The following FBXO11 variants were observed in gnomAD, a reference collection of about 807,000 sequenced individuals.
FBXO11 encodes F-box only protein 11.
A neutral mutation model predicts 117.0 loss-of-function variants in FBXO11; 13 were observed. The observed-to-expected ratio is 0.11, with a 90% CI of 0.07 to 0.18. FBXO11 has a LOEUF of 0.18. Among genes scored for constraint, FBXO11 ranks in the 10% least tolerant of loss-of-function variants. The probability of loss-of-function intolerance (pLI) is 1.00; values close to 1 mark genes in which losing one functional copy is unlikely to be tolerated. For missense variants in FBXO11, 767 were observed against 1,164.4 expected (o/e 0.66, Z 4.97); for synonymous variants, 490 against 380.5 (o/e 1.29, Z -3.35).
In FBXO11 at chr2:47,906,399, G is replaced by T. The variant is rs1678818331; in HGVS notation, c.-679C>A. On this transcript the variant is annotated 5_prime_UTR_variant, in exon 1 of 23. Transcript: ENST00000403359. ...GCGTCGTCCTTCCTCCTCCTTAAAG[G>T]AACCTTTCCTCCTCCTCCTCGTCAG... Among the ~76,000 whole-genome samples the T allele has an allele frequency of 6.6e-6, 1 of 152,152 alleles. No homozygotes were observed. The highest frequency in any genetic ancestry group is 1.5e-5 in the Non-Finnish European group (1 of 68,008).
chr2:47,879,434 C>T (rs770531754), intron 1 of FBXO11, among the ~76,000 whole-genome samples: 2 of 152,136 alleles, frequency 1.3e-5, no homozygotes, highest in African/African-American at 4.8e-5. Flanking sequence ...AGTATGCTGC[C>T]CAACTTTTGT....
chr2:47,897,692 G>A (rs1677779239), intron 1 of FBXO11, among the ~76,000 whole-genome samples: 1 of 103,852 alleles, frequency 9.6e-6, no homozygotes, highest in African/African-American at 3.7e-5. Context: ...GTGAGACTGT[G>A]TCTTAAACCA....
intron 1 of FBXO11, among the ~76,000 whole-genome samples, chr2:47,846,681 C>T (rs1017157231): frequency 2.3e-4 from 35 of 151,790 alleles, no homozygotes; most frequent in African/African-American, 8.2e-4. Flanking sequence ...TGTAATTTAG[C>T]TGCATTAAAA....
rs376037427 is a variant in FBXO11 at position 47,823,223 on chromosome 2, T to C, written c.1536A>G (p.Arg512=). The part of the protein sequence containing the change: ...TGGIYVHEKG[R]GQFIENKIYA... ...AGATTTTATTCTCTATGAATTGTCCTCTTCCTTTTTCATGGACATATATTC... is the reference window on the plus strand; with the variant it reads ...AGATTTTATTCTCTATGAATTGTCCCCTTCCTTTTTCATGGACATATATTC... The change falls in exon 12 of 23, where the codon AGA becomes AGG. Residue 512 remains arginine, a synonymous_variant. Transcript: ENST00000403359. 6.2e-7 allele frequency: 1 copy of C among 1,614,122 alleles called. No homozygotes were observed. The highest frequency in any genetic ancestry group is 8.5e-7 in the Non-Finnish European group (1 of 1,179,978).
intron 1 of FBXO11, among the ~76,000 whole-genome samples, chr2:47,853,158 G>A (rs138110987): frequency 2.1e-4 from 32 of 150,846 alleles, no homozygotes; most frequent in South Asian, 8.3e-4. Flanking sequence ...TGCAACCTCC[G>A]CCTCCTGAGT....
intron 4 of FBXO11, among the ~76,000 whole-genome samples, 192 bp downstream of exon 4, chr2:47,838,667 G>T (rs1461530514): frequency 6.6e-6 from 1 of 152,120 alleles, no homozygotes; most frequent in Non-Finnish European, 1.5e-5. Flanking sequence ...GCAGATAAAA[G>T]ACTTCATTTA....
chr2:47,846,921 TAC>T (rs1346891610), intron 1 of FBXO11, among the ~76,000 whole-genome samples: 1 of 152,134 alleles, frequency 6.6e-6, no homozygotes, highest in East Asian at 1.9e-4. Context: ...TGCAGACACA[TAC>T]AGTCACTTAT....
chr2:47,829,886 T>C (rs1401053454), intron 11 of FBXO11, among the ~76,000 whole-genome samples: 2 of 152,154 alleles, frequency 1.3e-5, no homozygotes, highest in Non-Finnish European at 1.5e-5. Context: ...AATAGGTACC[T>C]GGAGAGTCAT....
chr2:47,872,115 A>G (rs772501245), intron 1 of FBXO11, among the ~76,000 whole-genome samples: 4 of 152,092 alleles, frequency 2.6e-5, no homozygotes, highest in South Asian at 2.1e-4. Flanking sequence ...CTTTCCTGTT[A>G]TAAGTTTACC....
At chr2:47,839,053 T>C in intron 3 of FBXO11, 50 bp from the exon 4 acceptor site, 2 of 1,546,052 alleles carry the variant, frequency 1.3e-6, no homozygotes, top group Non-Finnish European at 1.7e-6. Flanking sequence ...AACTTTCTCA[T>C]TATTTAAAGA....
In FBXO11 at chr2:47,905,537, G is replaced by A. The variant is rs1486724055; in HGVS notation, c.184C>T (p.Pro62Ser). The A allele has an allele frequency of 3.2e-6, 4 of 1,238,200 alleles. No individual in the cohort carries two copies. The highest frequency in any genetic ancestry group is 6.9e-5 in the East Asian group (2 of 29,112). The allele number at this position is 1,238,200 out of a possible 1,614,324, so 76.7% of individuals were successfully genotyped here. Reference sequence around the variant, plus strand: ...TCCTGAGGCAGCGGCGGAGGCGGCGGTGGCGGCGGCGGAGGCTGCTGCTGC... The same window carrying A: ...TCCTGAGGCAGCGGCGGAGGCGGCGATGGCGGCGGCGGAGGCTGCTGCTGC... Reference protein sequence around the residue: ...QQQQQPPPPPPPPPPLPQERN... With the variant: ...QQQQQPPPPPSPPPPLPQERN... The change falls in exon 1 of 23, where the codon CCG (proline) becomes TCG (serine). Residue 62 changes from proline to serine, a missense_variant. Coordinates refer to ENST00000403359, the MANE Select transcript of FBXO11 (RefSeq NM_001190274.2).
At chr2:47,880,716 T>C (rs1676368010) in intron 1 of FBXO11, among the ~76,000 whole-genome samples, 2 of 152,344 alleles carry the variant, frequency 1.3e-5, no homozygotes, top group African/African-American at 4.8e-5. Flanking sequence ...AAGAAATAAG[T>C]GCCACTCTTT....
intron 18 of FBXO11, chr2:47,811,613 T>A (rs1400219583): frequency 1.3e-5 from 2 of 152,240 alleles, no homozygotes; most frequent in Admixed American, 6.5e-5. Context: ...AACCTTGGAT[T>A]CAGTGTTTAA....
chr2:47,819,128 G>A (rs376804722), intron 14 of FBXO11, 50 bp from the exon 15 acceptor site: 54 of 1,581,334 alleles, frequency 3.4e-5, no homozygotes, highest in South Asian at 4.6e-5. Flanking sequence ...TAAGCAAGGC[G>A]TTTATAGTCT....
intron 11 of FBXO11, among the ~76,000 whole-genome samples, chr2:47,831,090 C>A (rs1672148716): frequency 6.6e-6 from 1 of 151,730 alleles, no homozygotes; most frequent in Non-Finnish European, 1.5e-5. Context: ...TGAGCCACTG[C>A]ACCCGGCCAT....
chr2:47,874,345 C>T (rs1305421169), intron 1 of FBXO11, among the ~76,000 whole-genome samples: 1 of 152,042 alleles, frequency 6.6e-6, no homozygotes, highest in East Asian at 1.9e-4. Flanking sequence ...TCCTCTCATG[C>T]TTTAACCCTC....
intron 11 of FBXO11, among the ~76,000 whole-genome samples, chr2:47,825,545 T>C (rs1671685333): frequency 6.6e-6 from 1 of 151,442 alleles, no homozygotes. Context: ...TTGAATGACA[T>C]GTCTGGTGGA....
chr2:47,904,556 C>T (rs1172940497), intron 1 of FBXO11, among the ~76,000 whole-genome samples: 8 of 150,538 alleles, frequency 5.3e-5, no homozygotes, highest in Admixed American at 4.0e-4. Flanking sequence ...GCCTTGGACA[C>T]AACACACACA....
At chr2:47,830,930 C>G (rs369787002) in intron 11 of FBXO11, among the ~76,000 whole-genome samples, 1 of 152,082 alleles carries the variant, frequency 6.6e-6, no homozygotes, top group African/African-American at 2.4e-5. Context: ...CCCCAAGTAG[C>G]TGGGACTACA....
Sources: gnomAD v4.1 joint callset for allele counts (sites outside exome capture counted in the v4.1 genomes callset) on GRCh38, gnomAD v4.1.1 for gene constraint, MANE v1.5 for transcripts, NCBI Gene and HGNC (gene_info 2026-07-23, HGNC 2026-07-21) for gene names.